Variants in PRMT8 observed in about 807,000 individuals in gnomAD.
PRMT8 encodes the protein protein arginine methyltransferase 8, also known as protein arginine N-methyltransferase 8.
A neutral mutation model predicts 47.1 loss-of-function variants in PRMT8; 7 were observed. That is an observed-to-expected ratio of 0.15 (90% confidence interval 0.08 to 0.28). PRMT8 has a LOEUF of 0.28. Ranked by LOEUF, PRMT8 falls within the 10% of genes least tolerant of loss-of-function variation. The probability of loss-of-function intolerance (pLI) is 1.00; values close to 1 mark genes in which losing one functional copy is unlikely to be tolerated. For synonymous variants in PRMT8, 188 were observed against 186.5 expected, an observed-to-expected ratio of 1.01 and a Z score of -0.07; for missense variants, 237 against 505.4, an observed-to-expected ratio of 0.47 and a Z score of 5.09.
chr12:3,467,253 A>AAAG (rs1865109413), intron 1 of PRMT8, among the ~76,000 whole-genome samples: 2 of 151,032 alleles, frequency 1.3e-5, no homozygotes, highest in Admixed American at 6.6e-5. Flanking sequence ...AAAAAAAAAA[A>AAAG]AAAAAAAAAA....
intron 1 of PRMT8, among the ~76,000 whole-genome samples, chr12:3,495,975 G>A (rs1276983733): frequency 6.6e-6 from 1 of 151,998 alleles, no homozygotes; most frequent in African/African-American, 2.4e-5. Flanking sequence ...ACTATGGAGT[G>A]CTCATCTGAA....
intron 1 of PRMT8, among the ~76,000 whole-genome samples, chr12:3,397,212 G>A (rs1316601556): frequency 5.9e-5 from 9 of 151,906 alleles, no homozygotes; most frequent in Non-Finnish European, 8.8e-5. Context: ...TTCTCAGCTC[G>A]TCAAAGTCAT....
chr12:3,386,714 T>C (rs957393740), intron 1 of PRMT8, among the ~76,000 whole-genome samples: 29 of 151,954 alleles, frequency 1.9e-4, no homozygotes, highest in African/African-American at 6.5e-4. Flanking sequence ...CTTTTTTTTT[T>C]CTTTCTTTCT....
At chr12:3,548,256 G>A (rs1476267930) in intron 2 of PRMT8, among the ~76,000 whole-genome samples, 1 of 152,108 alleles carries the variant, frequency 6.6e-6, no homozygotes, top group Non-Finnish European at 1.5e-5. Context: ...AAAGGAGAGT[G>A]TCTTTGTGAC....
intron 6 of PRMT8, among the ~76,000 whole-genome samples, chr12:3,573,130 T>TAAAAAAA (rs1866879882): frequency 6.6e-6 from 1 of 152,186 alleles, no homozygotes; most frequent in Non-Finnish European, 1.5e-5. Flanking sequence ...TATGAAATAA[T>TAAAAAAA]GTTTGATATT....
rs985723032 is a variant in PRMT8 at position 3,564,082 on chromosome 12, G to A, written c.482-4624G>A. Among the ~76,000 whole-genome samples the A allele has an allele frequency of 6.6e-5, 10 of 152,182 alleles. No homozygotes were observed. Among genetic ancestry groups the A allele is most frequent in the African/African-American group, 2.4e-4 (10 of 41,432 alleles). ...GAGAAGGAATGCATACGCTGGAGGT[G>A]AGCCGGGCCCTCCGCAGGTGCAAGG... On this transcript the variant is annotated intron_variant, in intron 4 of 9. Transcript: ENST00000382622. The surrounding 1 kb of genome is among the most constrained non-coding windows in gnomAD (Gnocchi z 4.0).
At chr12:3,511,219 G>C (rs1865709216) in intron 1 of PRMT8, among the ~76,000 whole-genome samples, 1 of 152,178 alleles carries the variant, frequency 6.6e-6, no homozygotes, top group Non-Finnish European at 1.5e-5. Context: ...TGTTGATGGA[G>C]CTGGATGCCA....
chr12:3,524,079 C>A (rs1480440135), intron 1 of PRMT8, among the ~76,000 whole-genome samples: 1 of 152,204 alleles, frequency 6.6e-6, no homozygotes, highest in Non-Finnish European at 1.5e-5. Context: ...CTTAGTTCAA[C>A]TGGCCATTCC....
chr12:3,423,111 C>A (rs1045678561), intron 1 of PRMT8, among the ~76,000 whole-genome samples: 3 of 152,296 alleles, frequency 2.0e-5, no homozygotes, highest in Admixed American at 6.5e-5. Flanking sequence ...TCAAACATGG[C>A]CCCAGGATCA....
Position 3,527,503 on chromosome 12 carries a change from A to G in PRMT8, c.76-13103A>G, listed in dbSNP as rs185794389. On this transcript the variant is annotated intron_variant, in intron 1 of 9. Coordinates refer to ENST00000382622, the MANE Select transcript of PRMT8 (RefSeq NM_019854.5). ...ATTTTCCATTTAATATTTTCAGACA[A>G]TGGTTGATATCTGGTAACTGAAACC... Among the ~76,000 whole-genome samples the G allele has an allele frequency of 1.3e-3, 193 of 152,214 alleles. 1 individual carries two copies. Among genetic ancestry groups the G allele is most frequent in the African/African-American group, 4.2e-3 (176 of 41,572 alleles).
At chr12:3,562,731 C>T (rs997508452) in intron 4 of PRMT8, among the ~76,000 whole-genome samples, 3 of 152,112 alleles carry the variant, frequency 2.0e-5, no homozygotes, top group African/African-American at 4.8e-5. Context: ...TGCTACAAAC[C>T]GGAGCTGTTT....
intron 1 of PRMT8, among the ~76,000 whole-genome samples, chr12:3,446,699 G>A (rs75416841): frequency 0.015 from 2,299 of 152,314 alleles, 36 homozygotes; most frequent in Middle Eastern, 0.02. Flanking sequence ...AAATGCCGGA[G>A]TGTCTTTTGG....
At chr12:3,465,207 T>TATATATATTTTATAAATATAAA (rs1393721551) in intron 1 of PRMT8, among the ~76,000 whole-genome samples, 6 of 144,746 alleles carry the variant, frequency 4.1e-5, no homozygotes, top group African/African-American at 1.5e-4. Flanking sequence ...AATATATTTT[T>TATATATATTTTATAAATATAAA]ATATATATTT....
chr12:3,590,883 C>A (rs1012304903), intron 8 of PRMT8, among the ~76,000 whole-genome samples: 1 of 152,154 alleles, frequency 6.6e-6, no homozygotes, highest in South Asian at 2.1e-4. Flanking sequence ...GGAAGCAAGG[C>A]TGGCCCGGTC....
chr12:3,412,416 G>A (rs1864440429), intron 1 of PRMT8, among the ~76,000 whole-genome samples: 1 of 152,140 alleles, frequency 6.6e-6, no homozygotes, highest in African/African-American at 2.4e-5. Context: ...GCTACATTAA[G>A]TTTATAAAAA....
At chr12:3,556,424 G>A (rs149628305) in intron 4 of PRMT8, among the ~76,000 whole-genome samples, 1 of 152,050 alleles carries the variant, frequency 6.6e-6, no homozygotes, top group Non-Finnish European at 1.5e-5. Flanking sequence ...GCCCAGGGAG[G>A]GGGGCTTGCT....
At chr12:3,474,803 C>G (rs933120946) in intron 1 of PRMT8, among the ~76,000 whole-genome samples, 4 of 152,156 alleles carry the variant, frequency 2.6e-5, no homozygotes, top group African/African-American at 9.7e-5. Flanking sequence ...GGAATCTCCT[C>G]AAGGGTAGGA....
chr12:3,461,488 T>G (rs1160571820), intron 1 of PRMT8, among the ~76,000 whole-genome samples: 1 of 152,236 alleles, frequency 6.6e-6, no homozygotes, highest in African/African-American at 2.4e-5. Flanking sequence ...CAACTGCTCA[T>G]GTAAAAATCC....
At chr12:3,509,926 GA>G (rs1191954386) in intron 1 of PRMT8, among the ~76,000 whole-genome samples, 1 of 152,248 alleles carries the variant, frequency 6.6e-6, no homozygotes, top group East Asian at 1.9e-4. Context: ...ATAAGTCTCA[GA>G]AAGGGCTAGG....
Sources: gnomAD v4.1 joint callset for allele counts (sites outside exome capture counted in the v4.1 genomes callset) on GRCh38, gnomAD v4.1.1 for gene constraint, Gnocchi (gnomAD v3.1) non-coding constraint, MANE v1.5 for transcripts, NCBI Gene and HGNC (gene_info 2026-07-23, HGNC 2026-07-21) for gene names.